CLYBL: variants seen among roughly 807,000 people sequenced by gnomAD.
CLYBL encodes citramalyl-CoA lyase, mitochondrial.
Under a neutral mutation model 38.9 loss-of-function variants are expected in CLYBL, and 31 were observed. The ratio of observed to expected loss-of-function variants is 0.80; its 90% CI spans 0.60 to 1.08. The LOEUF (loss-of-function observed/expected upper bound fraction) is 1.08. CLYBL is among the 50% of genes least tolerant of loss of function. CLYBL has a pLI of 0.00. For missense variants in CLYBL, 434 were observed against 411.6 expected (o/e 1.05, Z -0.47); for synonymous variants, 171 against 158.6 (o/e 1.08, Z -0.59).
At chr13:99,634,878 G>A (rs2139246323) in intron 1 of CLYBL, among the ~76,000 whole-genome samples, 1 of 152,268 alleles carries the variant, frequency 6.6e-6, no homozygotes, top group South Asian at 2.1e-4. Flanking sequence ...ATCAGATCGC[G>A]CTCTCTGGCC....
intron 1 of CLYBL, among the ~76,000 whole-genome samples, chr13:99,760,933 A>G (rs2049152806): frequency 6.6e-6 from 1 of 152,314 alleles, no homozygotes; most frequent in East Asian, 1.9e-4. Context: ...AACTACAGTC[A>G]CCCTACTGAT....
At chr13:99,832,463 A>T (rs1027203560) in intron 2 of CLYBL, among the ~76,000 whole-genome samples, 1 of 152,212 alleles carries the variant, frequency 6.6e-6, no homozygotes, top group South Asian at 2.1e-4. Flanking sequence ...AGAAGAAGCC[A>T]ACGTATAGAC....
At chr13:99,811,588 A>T (rs1594197455) in intron 2 of CLYBL, among the ~76,000 whole-genome samples, 1 of 152,166 alleles carries the variant, frequency 6.6e-6, no homozygotes, top group African/African-American at 2.4e-5. Context: ...GGCAGGCGGG[A>T]TCAGTTGCCC....
At chr13:99,733,821 C>T (rs1016142381) in intron 1 of CLYBL, among the ~76,000 whole-genome samples, 2 of 152,238 alleles carry the variant, frequency 1.3e-5, no homozygotes, top group African/African-American at 2.4e-5. Context: ...AGCAGTGCAG[C>T]TTCCATCTCC....
chr13:99,657,446 A>G (rs2047345047), intron 1 of CLYBL, among the ~76,000 whole-genome samples: 1 of 152,236 alleles, frequency 6.6e-6, no homozygotes, highest in African/African-American at 2.4e-5. Flanking sequence ...GTCTTTTGAT[A>G]GTTCTTTCAA....
chr13:99,783,348 TC>T (rs2049702764), intron 2 of CLYBL, among the ~76,000 whole-genome samples: 1 of 152,074 alleles, frequency 6.6e-6, no homozygotes, highest in African/African-American at 2.4e-5. Context: ...TGGGCCATCC[TC>T]TGAGTTTTTT....
At chr13:99,626,888 G>T (rs988784682) in intron 1 of CLYBL, among the ~76,000 whole-genome samples, 4 of 151,440 alleles carry the variant, frequency 2.6e-5, no homozygotes, top group African/African-American at 7.3e-5. Flanking sequence ...CAGTTACAAA[G>T]AATTTATATA....
intron 2 of CLYBL, among the ~76,000 whole-genome samples, chr13:99,810,697 G>A (rs183332453): frequency 6.6e-6 from 1 of 152,208 alleles, no homozygotes; most frequent in East Asian, 1.9e-4. Flanking sequence ...ATAGCATTCT[G>A]AATGCAGCAG....
downstream of CLYBL, among the ~76,000 whole-genome samples, chr13:99,900,438 C>T (rs895487958): frequency 1.3e-5 from 2 of 152,136 alleles, no homozygotes; most frequent in Non-Finnish European, 1.5e-5. Context: ...GATGTTCTGA[C>T]TGTAAACTCT....
intron 1 of CLYBL, among the ~76,000 whole-genome samples, chr13:99,714,948 CTAAATAAA>C (rs768043172): frequency 4.0e-5 from 6 of 151,860 alleles, no homozygotes; most frequent in East Asian, 1.9e-4. Context: ...GACTCTGTCT[CTAAATAAA>C]TAAATAAATA....
At chr13:99,635,117 G>C (rs1474773177) in intron 1 of CLYBL, among the ~76,000 whole-genome samples, 1 of 152,074 alleles carries the variant, frequency 6.6e-6, no homozygotes, top group Non-Finnish European at 1.5e-5. Flanking sequence ...GGACACCATC[G>C]TGTGCTCTGT....
chr13:99,649,202 A>AAC (rs2047217035), intron 1 of CLYBL, among the ~76,000 whole-genome samples: 1 of 152,106 alleles, frequency 6.6e-6, no homozygotes, highest in South Asian at 2.1e-4. Context: ...CTGGGCACTA[A>AAC]ACAGTGGGTT....
chr13:99,754,087 CAAAAAAAAAAAAAAAAAAAA>C (rs71121003), intron 1 of CLYBL, among the ~76,000 whole-genome samples: 1 of 45,408 alleles, frequency 2.2e-5, no homozygotes, highest in South Asian at 6.7e-4. Flanking sequence ...AACTCGGTCT[CAAAAAAAAAAAAAAAAAAAA>C]AAAAAAAAGT....
rs2051711402 is a variant in CLYBL at position 99,865,163 on chromosome 13, G to T, written c.634+252G>T. ...AAAAGACACGAGCAATAGAAAGCCT[G>T]TTGCAGCCCCAGGCATGCTCAGGAA... On this transcript the variant is annotated intron_variant, in intron 5 of 8. Transcript: ENST00000339105. The surrounding 1 kb of genome is among the most constrained non-coding windows in gnomAD (Gnocchi z 4.7). 3 of 463,110 alleles carry T rather than the reference G, an allele frequency of 6.5e-6. No homozygotes were observed. The highest frequency in any genetic ancestry group is 1.2e-5 in the Non-Finnish European group (3 of 243,594). 28.7% of individuals were successfully genotyped at this position (463,110 alleles called of 1,614,324 possible). A position where few individuals can be genotyped will look rare whatever the true frequency, so the allele number is the denominator to read the frequency against.
At chr13:99,806,678 C>G (rs2050237835) in intron 2 of CLYBL, among the ~76,000 whole-genome samples, 1 of 152,222 alleles carries the variant, frequency 6.6e-6, no homozygotes, top group Non-Finnish European at 1.5e-5. Context: ...CACTTCAGCA[C>G]AATGCCTGGC....
chr13:99,676,222 TTCC>T (rs1223595799), intron 1 of CLYBL, among the ~76,000 whole-genome samples: 2 of 93,582 alleles, frequency 2.1e-5, no homozygotes, highest in Non-Finnish European at 5.3e-5. Context: ...CCTTCCTTCC[TTCC>T]TTCCTTCCTT....
chr13:99,886,856 T>C (rs955926087), intron 7 of CLYBL, among the ~76,000 whole-genome samples: 1 of 152,050 alleles, frequency 6.6e-6, no homozygotes, highest in Non-Finnish European at 1.5e-5. Context: ...CTCCAGCAAA[T>C]GGTAAGCTCC....
chr13:99,813,605 A>T (rs1310318292), intron 2 of CLYBL, among the ~76,000 whole-genome samples: 2 of 152,180 alleles, frequency 1.3e-5, no homozygotes, highest in Admixed American at 6.5e-5. Flanking sequence ...ACCACTTACT[A>T]ACTTACCACT....
At chr13:99,720,708 G>A (rs1468850417) in intron 1 of CLYBL, among the ~76,000 whole-genome samples, 1 of 152,110 alleles carries the variant, frequency 6.6e-6, no homozygotes, top group Non-Finnish European at 1.5e-5. Flanking sequence ...TGATTTTGCT[G>A]CTTAGTAACA....
Sources: gnomAD v4.1 joint callset for allele counts (sites outside exome capture counted in the v4.1 genomes callset) on GRCh38, gnomAD v4.1.1 for gene constraint, Gnocchi (gnomAD v3.1) non-coding constraint, MANE v1.5 for transcripts, NCBI Gene and HGNC (gene_info 2026-07-23, HGNC 2026-07-21) for gene names.